Variants in CBR4 observed in about 807,000 individuals in gnomAD.
The protein encoded by CBR4 is carbonyl reductase 4.
In CBR4, 22 loss-of-function variants were observed where a neutral mutation model predicts 21.0. The observed-to-expected ratio is 1.05, with a 90% confidence interval of 0.75 to 1.50. The LOEUF is 1.50. Among genes scored for constraint, CBR4 ranks in the 40% most tolerant of loss-of-function variants. The pLI, the probability that CBR4 is intolerant of heterozygous loss-of-function variation, is 0.00. For missense variants in CBR4, 302 were observed against 286.3 expected, an observed-to-expected ratio of 1.05 and a Z score of -0.40; for synonymous variants, 100 against 104.4, an observed-to-expected ratio of 0.96 and a Z score of 0.26.
chr4:168,967,802 G>C (rs1047883389), intron 2 of CBR4, among the ~76,000 whole-genome samples: 1 of 152,294 alleles, frequency 6.6e-6, no homozygotes, highest in South Asian at 2.1e-4. Flanking sequence ...CTAGAGTGCT[G>C]TTGAGTTTGA....
intron 2 of CBR4, among the ~76,000 whole-genome samples, chr4:168,973,947 T>G (rs765711844): frequency 6.6e-6 from 1 of 152,226 alleles, no homozygotes; most frequent in Non-Finnish European, 1.5e-5. Flanking sequence ...AAGGTACTAT[T>G]CTATTCATCA....
At chr4:168,932,242 TA>T (rs558711167) in intron 2 of CBR4, among the ~76,000 whole-genome samples, 316 of 131,336 alleles carry the variant, frequency 2.4e-3, no homozygotes, top group African/African-American at 4.8e-3. Flanking sequence ...ACAAAGAACA[TA>T]AAAAAAAAAA....
chr4:168,906,009 T>C (rs1247140112), intron 2 of CBR4, among the ~76,000 whole-genome samples: 3 of 152,058 alleles, frequency 2.0e-5, no homozygotes, highest in African/African-American at 7.2e-5. Flanking sequence ...TTTTTCCTTA[T>C]TATATTTTCA....
intron 2 of CBR4, among the ~76,000 whole-genome samples, chr4:168,947,412 T>C (rs984868590): frequency 3.9e-5 from 6 of 152,166 alleles, no homozygotes; most frequent in Admixed American, 1.3e-4. Context: ...CATAGGTTAC[T>C]GGGGTACAGG....
At chr4:168,980,391 C>T (rs1369871239) in intron 2 of CBR4, among the ~76,000 whole-genome samples, 2 of 152,198 alleles carry the variant, frequency 1.3e-5, no homozygotes, top group East Asian at 3.9e-4. Context: ...CAAACTTCAA[C>T]ACCAAAAATA....
intron 4 of CBR4, among the ~76,000 whole-genome samples, chr4:168,995,954 C>G (rs545765206): frequency 6.6e-6 from 1 of 152,252 alleles, no homozygotes; most frequent in South Asian, 2.1e-4. Context: ...GAGAGTGGTG[C>G]CCTCTGAATC....
intron 2 of CBR4, among the ~76,000 whole-genome samples, chr4:168,934,860 C>T (rs961171228): frequency 6.6e-6 from 1 of 152,164 alleles, no homozygotes; most frequent in African/African-American, 2.4e-5. Flanking sequence ...GACACCAAAA[C>T]CAGATAAGGA....
At chr4:168,967,810 T>G (rs993280961) in intron 2 of CBR4, among the ~76,000 whole-genome samples, 1 of 152,184 alleles carries the variant, frequency 6.6e-6, no homozygotes, top group Non-Finnish European at 1.5e-5. Context: ...CTGTTGAGTT[T>G]GAAGACAGAA....
intron 2 of CBR4, among the ~76,000 whole-genome samples, chr4:168,953,344 T>A (rs1405471096): frequency 6.6e-6 from 1 of 152,190 alleles, no homozygotes; most frequent in Admixed American, 6.5e-5. Context: ...TATTTCTATT[T>A]CCTACAAATT....
rs71588181 is a variant in CBR4, at chr4:168,970,833, G to GATATATAT, written n.169+31230_169+31237dup. Among the ~76,000 whole-genome samples, 39 of 149,636 alleles carry GATATATAT rather than the reference G, an allele frequency of 2.6e-4. No homozygotes were observed. In the East Asian group the frequency reaches 4.2e-3, roughly 16 times the overall value. On this transcript the variant is annotated intron_variant and non_coding_transcript_variant, in intron 2 of 3. Transcript: ENST00000509108. ...TTTTTATGGCTGAGTAGTAGTCCAT[G>GATATATAT]ATATATATATATATATACCACATTT...
chr4:168,974,506 C>T (rs1764310483), intron 2 of CBR4, among the ~76,000 whole-genome samples: 1 of 152,084 alleles, frequency 6.6e-6, no homozygotes, highest in Non-Finnish European at 1.5e-5. Flanking sequence ...ATAAGTTTTC[C>T]AAACTTTTAG....
intron 3 of CBR4, chr4:168,894,533 G>C: frequency 8.1e-7 from 1 of 1,232,098 alleles, no homozygotes; most frequent in Non-Finnish European, 1.2e-6. Flanking sequence ...GTACATATTT[G>C]TGATTTTTTT....
chr4:168,936,428 A>G (rs1763113670), intron 2 of CBR4, among the ~76,000 whole-genome samples: 1 of 152,202 alleles, frequency 6.6e-6, no homozygotes, highest in East Asian at 1.9e-4. Context: ...TGGACAGAGA[A>G]TGAGTTTGAC....
At chr4:168,922,160 A>ACACT (rs1491385580) in intron 2 of CBR4, among the ~76,000 whole-genome samples, 2 of 151,232 alleles carry the variant, frequency 1.3e-5, no homozygotes, top group African/African-American at 4.9e-5. Context: ...TTTTAAAACA[A>ACACT]CACTGTCATC....
Position 168,989,502 on chromosome 4 carries a change from C to G in CBR4, c.*648G>C. 1.0e-6 allele frequency: 1 copy of G among 985,284 alleles called. No homozygotes were observed. The highest frequency in any genetic ancestry group is 1.2e-6 in the Non-Finnish European group (1 of 829,872). 61.0% of individuals were successfully genotyped at this position (985,284 alleles called of 1,614,324 possible). A position where few individuals can be genotyped will look rare whatever the true frequency, so the allele number is the denominator to read the frequency against. On this transcript the variant is annotated 3_prime_UTR_variant, in exon 5 of 5. Coordinates refer to ENST00000306193, the MANE Select transcript of CBR4 (RefSeq NM_032783.5). Reference sequence around the variant, plus strand: ...CTTTAATGAATACTATGTTTTGCAACCTGTATAAAAACTGATCACCCAAGC... The same window carrying G: ...CTTTAATGAATACTATGTTTTGCAAGCTGTATAAAAACTGATCACCCAAGC...
At chr4:168,902,611 T>C (rs1203736608) in intron 2 of CBR4, among the ~76,000 whole-genome samples, 1 of 152,090 alleles carries the variant, frequency 6.6e-6, no homozygotes, top group Non-Finnish European at 1.5e-5. Flanking sequence ...CACCGCACTC[T>C]GCACTCCAGC....
In CBR4 at chr4:168,987,766, G is replaced by T; in HGVS notation, c.*2384C>A. 2 of 984,936 alleles carry T rather than the reference G, an allele frequency of 2.0e-6. No individual in the cohort carries two copies. Among genetic ancestry groups the T allele is most frequent in the Non-Finnish European group, 2.4e-6 (2 of 829,544 alleles). The allele number at this position is 984,936 out of a possible 1,614,324, so 61.0% of individuals were successfully genotyped here. ...TCTTCTCTCTTTATTCTGAATAACA[G>T]AAGCACGTAAATTAAATTATCCTCT... On this transcript the variant is annotated 3_prime_UTR_variant, in exon 5 of 5. Transcript: ENST00000306193.
intron 2 of CBR4, among the ~76,000 whole-genome samples, chr4:168,918,806 CTT>C (rs1760803734): frequency 6.6e-6 from 1 of 152,006 alleles, no homozygotes; most frequent in Admixed American, 6.6e-5. Context: ...TTAAAAAACA[CTT>C]AAAAAAATTC....
chr4:168,909,924 T>A (rs959508987), intron 2 of CBR4, among the ~76,000 whole-genome samples: 1 of 152,192 alleles, frequency 6.6e-6, no homozygotes, highest in Non-Finnish European at 1.5e-5. Flanking sequence ...GGATGCTCTC[T>A]AAATGCTCCT....
Sources: gnomAD v4.1 joint callset for allele counts (sites outside exome capture counted in the v4.1 genomes callset) on GRCh38, gnomAD v4.1.1 for gene constraint, MANE v1.5 for transcripts, NCBI Gene and HGNC (gene_info 2026-07-23, HGNC 2026-07-21) for gene names.